Variants in THAP4 observed in about 807,000 individuals in gnomAD.
THAP4 encodes THAP domain containing 4, also known as peroxynitrite isomerase THAP4.
THAP4 carries 18 observed loss-of-function variants against 48.1 expected under a neutral mutation model. That is an observed-to-expected ratio of 0.37 (90% confidence interval 0.26 to 0.56). The LOEUF (loss-of-function observed/expected upper bound fraction) is 0.56, where lower values mean the gene tolerates loss of function less well. Ranked by LOEUF, THAP4 falls within the 20% of genes least tolerant of loss-of-function variation. The pLI is 0.78. For missense variants in THAP4, 656 were observed against 774.9 expected, an observed-to-expected ratio of 0.85 and a Z score of 1.82; for synonymous variants, 345 against 324.9, an observed-to-expected ratio of 1.06 and a Z score of -0.66.
At chr2:241,627,693 C>T (rs1043011600) in intron 2 of THAP4, among the ~76,000 whole-genome samples, 5 of 152,232 alleles carry the variant, frequency 3.3e-5, no homozygotes, top group Admixed American at 6.5e-5. Flanking sequence ...CAAATCCACA[C>T]GGACAGCAAG....
chr2:241,609,191 T>C (rs1044107161), intron 2 of THAP4, among the ~76,000 whole-genome samples: 1 of 152,234 alleles, frequency 6.6e-6, no homozygotes, highest in Admixed American at 6.5e-5. Flanking sequence ...AGGACCTAGC[T>C]TCTGGATCTA....
At position 241,584,533 on chromosome 2, in the gene THAP4, G is replaced by A; in HGVS notation, c.*73C>T. On this transcript the variant is annotated 3_prime_UTR_variant, in exon 6 of 6. Coordinates refer to ENST00000407315, the MANE Select transcript of THAP4 (RefSeq NM_015963.6). Reference sequence around the variant, plus strand: ...CGGCCACACCCACTTCTGCCGCAGGGACTGTCTGTTGAGGAGCCGAACCGT... The same window carrying A: ...CGGCCACACCCACTTCTGCCGCAGGAACTGTCTGTTGAGGAGCCGAACCGT... 1.3e-6 allele frequency: 2 copies of A among 1,555,554 alleles called. No homozygotes were observed. Among genetic ancestry groups the A allele is most frequent in the Non-Finnish European group, 1.8e-6 (2 of 1,129,980 alleles).
intron 3 of THAP4, among the ~76,000 whole-genome samples, chr2:241,603,842 G>A (rs1024659521): frequency 3.9e-5 from 6 of 152,094 alleles, no homozygotes; most frequent in Non-Finnish European, 7.4e-5. Flanking sequence ...CTTGAACTGA[G>A]GGCACAAAAC....
intron 2 of THAP4, among the ~76,000 whole-genome samples, chr2:241,613,635 G>C (rs576914327): frequency 6.6e-6 from 1 of 152,020 alleles, no homozygotes; most frequent in South Asian, 2.1e-4. Context: ...CGTGCCTGTC[G>C]TCCCAGCTAC....
At chr2:241,599,995 G>A (rs2067093104) in intron 5 of THAP4, among the ~76,000 whole-genome samples, 1 of 151,848 alleles carries the variant, frequency 6.6e-6, no homozygotes, top group East Asian at 1.9e-4. Context: ...GATCACTTGA[G>A]GTCAGGAGTT....
chr2:241,609,073 G>A (rs1395561918), intron 2 of THAP4, among the ~76,000 whole-genome samples: 1 of 152,230 alleles, frequency 6.6e-6, no homozygotes, highest in Non-Finnish European at 1.5e-5. Flanking sequence ...GAGTGGGAGG[G>A]ACGAGGTCTC....
At chr2:241,621,043 G>A (rs1048029549) in intron 2 of THAP4, among the ~76,000 whole-genome samples, 1 of 152,064 alleles carries the variant, frequency 6.6e-6, no homozygotes, top group Non-Finnish European at 1.5e-5. Context: ...ATTACCACAC[G>A]GAGAAATTAA....
chr2:241,604,227 C>T (rs2067152198), intron 3 of THAP4, among the ~76,000 whole-genome samples: 1 of 151,844 alleles, frequency 6.6e-6, no homozygotes, highest in Non-Finnish European at 1.5e-5. Context: ...GCGCCCACCA[C>T]ACCCGGCTAA....
Position 241,633,122 on chromosome 2 carries a change from C to T in THAP4, c.1035G>A (p.Leu345=), listed in dbSNP as rs2067587737. ...GCCGGGAGGAGAAGCAGTAGGAGTG[C>T]AGTGAGTCGATGAGCTTGCAGGCCC... The part of the protein sequence containing the change: ...ASGACKLIDS[L]HSYCFSSRQN... The change falls in exon 2 of 6, where the codon CTG becomes CTA. Residue 345 remains leucine, a synonymous_variant. Coordinates refer to ENST00000407315, the MANE Select transcript of THAP4 (RefSeq NM_015963.6). The surrounding 1 kb of genome is among the most constrained non-coding windows in gnomAD (Gnocchi z 7.5). The T allele has an allele frequency of 6.2e-7, 1 of 1,612,974 alleles. No homozygotes were observed. The highest frequency in any genetic ancestry group is 1.1e-5 in the South Asian group (1 of 90,940).
chr2:241,617,696 G>C (rs1176628333), intron 2 of THAP4, among the ~76,000 whole-genome samples: 1 of 152,212 alleles, frequency 6.6e-6, no homozygotes, highest in African/African-American at 2.4e-5. Flanking sequence ...TCTGGGCGGA[G>C]TGACGAGTGC....
chr2:241,584,516 C>A lies in THAP4; in HGVS notation c.*90G>T. ...GAGCCTGCAGAGGCTCACGGCCACA[C>A]CCACTTCTGCCGCAGGGACTGTCTG... On this transcript the variant is annotated 3_prime_UTR_variant, in exon 6 of 6. Transcript: ENST00000407315. 1 of 1,451,596 alleles carries A rather than the reference C, an allele frequency of 6.9e-7. No individual in the cohort carries two copies. 89.9% of individuals were successfully genotyped at this position (1,451,596 alleles called of 1,614,324 possible). A position where few individuals can be genotyped will look rare whatever the true frequency, so the allele number is the denominator to read the frequency against.
intron 3 of THAP4, among the ~76,000 whole-genome samples, chr2:241,603,629 G>C (rs2125077606): frequency 6.6e-6 from 1 of 152,328 alleles, no homozygotes; most frequent in African/African-American, 2.4e-5. Context: ...GTTAGCCCAG[G>C]CCTCACACAG....
At chr2:241,594,625 G>C in intron 5 of THAP4, 1 of 331,358 alleles carries the variant, frequency 3.0e-6, no homozygotes, top group South Asian at 2.8e-5. Flanking sequence ...GGGCATGCTG[G>C]TGCATACCTG....
chr2:241,621,165 T>C (rs938004802), intron 2 of THAP4, among the ~76,000 whole-genome samples: 1 of 152,034 alleles, frequency 6.6e-6, no homozygotes, highest in African/African-American at 2.4e-5. Flanking sequence ...CTGGCCAACA[T>C]GGTGAAACCC....
In THAP4 at chr2:241,602,125, A is replaced by G. The variant is rs541094257; in HGVS notation, c.1511-126T>C. On this transcript the variant is annotated intron_variant, in intron 4 of 5. Transcript: ENST00000407315. ...CAACTCTGCAGCTGTGGAAGCAACG[A>G]TATTTCTCCTCCTCCCCACTTCACC... 1,376 of 828,952 alleles carry G rather than the reference A, an allele frequency of 1.7e-3. 2 individuals are homozygous for G. The highest frequency in any genetic ancestry group is 2.2e-3 in the Non-Finnish European group (1,193 of 532,244). The allele number at this position is 828,952 out of a possible 1,614,324, so 51.3% of individuals were successfully genotyped here.
chr2:241,586,026 C>T (rs560495306), intron 5 of THAP4, among the ~76,000 whole-genome samples: 36 of 150,714 alleles, frequency 2.4e-4, no homozygotes, highest in Admixed American at 5.3e-4. Flanking sequence ...GAGGCCGAGG[C>T]GGGCGGATCA....
At position 241,616,771 on chromosome 2, in the gene THAP4, AC is replaced by A. The variant is rs1559229146; in HGVS notation, c.1241-10299del. Among the ~76,000 whole-genome samples, 1 of 152,212 alleles carries A rather than the reference AC, an allele frequency of 6.6e-6. No individual in the cohort carries two copies. Among genetic ancestry groups the A allele is most frequent in the Non-Finnish European group, 1.5e-5 (1 of 68,036 alleles). On this transcript the variant is annotated intron_variant, in intron 2 of 5. Coordinates refer to ENST00000407315, the MANE Select transcript of THAP4 (RefSeq NM_015963.6). The surrounding 1 kb of genome is among the most constrained non-coding windows in gnomAD (Gnocchi z 4.6). ...CGGCTAAGCAACTAGATGGAGGCTTACGGCTGTGAGCAACTAATGGCTGTGA... is the reference window on the plus strand; with the variant it reads ...CGGCTAAGCAACTAGATGGAGGCTTAGGCTGTGAGCAACTAATGGCTGTGA...
At chr2:241,635,686 C>G (rs1363943894) in intron 1 of THAP4, among the ~76,000 whole-genome samples, 1 of 151,968 alleles carries the variant, frequency 6.6e-6, no homozygotes, top group Non-Finnish European at 1.5e-5. Context: ...AGGAGAATAG[C>G]TTGAACCCAG....
chr2:241,602,322 C>T (rs933913198), intron 4 of THAP4, among the ~76,000 whole-genome samples: 1 of 152,116 alleles, frequency 6.6e-6, no homozygotes, highest in East Asian at 1.9e-4. Context: ...GAATGGACGT[C>T]CAGGAAGAAA....
Sources: allele counts gnomAD v4.1 joint callset (sites outside exome capture counted in the v4.1 genomes callset), GRCh38; gene constraint gnomAD v4.1.1; non-coding constraint Gnocchi (gnomAD v3.1); transcripts MANE v1.5; gene names NCBI Gene and HGNC (gene_info 2026-07-23, HGNC 2026-07-21).